The following ZEB1 variants were observed in gnomAD, a reference collection of about 807,000 sequenced individuals.
ZEB1 encodes the protein zinc finger E-box binding homeobox 1.
In ZEB1, 21 loss-of-function variants were observed where a neutral mutation model predicts 84.9. The ratio of observed to expected loss-of-function variants is 0.25; its 90% CI spans 0.18 to 0.36. ZEB1 has a LOEUF of 0.36. ZEB1 is among the 10% of genes least tolerant of loss of function. ZEB1 has a pLI of 1.00. For missense variants in ZEB1, 1,104 were observed against 1,330.2 expected (o/e 0.83, Z 2.65); for synonymous variants, 420 against 471.1 (o/e 0.89, Z 1.41).
intron 1 of ZEB1, among the ~76,000 whole-genome samples, chr10:31,370,928 A>C (rs1192675459): frequency 6.6e-6 from 1 of 152,144 alleles, no homozygotes; most frequent in African/African-American, 2.4e-5. Context: ...TTTGTTGCCA[A>C]GGCTGGTCTG....
intron 3 of ZEB1, among the ~76,000 whole-genome samples, chr10:31,498,087 A>G (rs935871080): frequency 1.4e-4 from 22 of 152,088 alleles, no homozygotes; most frequent in African/African-American, 4.8e-4. Context: ...AGAAAACCCA[A>G]TTACCTTTTA....
intron 8 of ZEB1, among the ~76,000 whole-genome samples, chr10:31,525,890 T>C (rs11008515): frequency 0.059 from 8,948 of 152,206 alleles, 736 homozygotes; most frequent in African/African-American, 0.18. Context: ...TATTAGCAAA[T>C]ATCAAAGTGA....
At chr10:31,452,245 T>A (rs2060644784) in intron 1 of ZEB1, among the ~76,000 whole-genome samples, 1 of 152,092 alleles carries the variant, frequency 6.6e-6, no homozygotes. Flanking sequence ...ATTTTTAGAT[T>A]ATTTAAATTA....
intron 1 of ZEB1, among the ~76,000 whole-genome samples, chr10:31,429,692 A>G (rs543018210): frequency 6.6e-6 from 1 of 151,822 alleles, no homozygotes; most frequent in Non-Finnish European, 1.5e-5. Flanking sequence ...TTAAAAAAAA[A>G]AAAAAGCCAG....
intron 1 of ZEB1, among the ~76,000 whole-genome samples, chr10:31,416,058 G>C (rs1042298908): frequency 6.6e-6 from 1 of 151,938 alleles, no homozygotes; most frequent in African/African-American, 2.4e-5. Context: ...TGAAACATTT[G>C]AAATTATTTT....
intron 1 of ZEB1, among the ~76,000 whole-genome samples, chr10:31,443,415 T>C (rs559429055): frequency 2.0e-5 from 3 of 152,042 alleles, no homozygotes; most frequent in South Asian, 2.1e-4. Flanking sequence ...TTTTCTTCTT[T>C]TTTTTTTTTA....
chr10:31,395,311 CT>C (rs959603736), intron 1 of ZEB1, among the ~76,000 whole-genome samples: 4 of 151,878 alleles, frequency 2.6e-5, no homozygotes, highest in South Asian at 2.1e-4. Context: ...GCATCTCATG[CT>C]TTTTTTTCTT....
chr10:31,488,095 C>G (rs1239904329), intron 2 of ZEB1, among the ~76,000 whole-genome samples: 1 of 148,002 alleles, frequency 6.8e-6, no homozygotes, highest in African/African-American at 2.5e-5. Context: ...TACTATTGTC[C>G]TATGGTTTTG....
intron 1 of ZEB1, among the ~76,000 whole-genome samples, chr10:31,439,499 A>G (rs1239233189): frequency 6.6e-6 from 1 of 152,194 alleles, no homozygotes; most frequent in East Asian, 1.9e-4. Flanking sequence ...TTATCTAGGG[A>G]TTAGTATCTA....
chr10:31,384,236 G>A (rs372518481), intron 1 of ZEB1, among the ~76,000 whole-genome samples: 4 of 151,904 alleles, frequency 2.6e-5, no homozygotes, highest in South Asian at 4.2e-4. Context: ...TTGGCCTCCC[G>A]AAGTGCTAGG....
intron 1 of ZEB1, among the ~76,000 whole-genome samples, chr10:31,422,875 T>C (rs2056396579): frequency 6.6e-6 from 1 of 152,038 alleles, no homozygotes; most frequent in African/African-American, 2.4e-5. Flanking sequence ...TTTATGTCTA[T>C]GTGTGCCCAA....
chr10:31,357,278 G>C (rs1254491391), intron 1 of ZEB1, among the ~76,000 whole-genome samples: 1 of 152,182 alleles, frequency 6.6e-6, no homozygotes, highest in East Asian at 1.9e-4. Flanking sequence ...TCAGCCATCT[G>C]CGTGTGTATA....
chr10:31,516,976 G>A (rs1389900749), intron 6 of ZEB1, among the ~76,000 whole-genome samples: 1 of 151,944 alleles, frequency 6.6e-6, no homozygotes, highest in South Asian at 2.1e-4. Context: ...TTGAGAGTAA[G>A]CATTTAGCAT....
At chr10:31,442,167 A>C (rs1175619979) in intron 1 of ZEB1, among the ~76,000 whole-genome samples, 1 of 152,260 alleles carries the variant, frequency 6.6e-6, no homozygotes. Context: ...CCAAATGTCC[A>C]TCAGTGATAG....
At chr10:31,397,138 G>C (rs1482223777) in intron 1 of ZEB1, among the ~76,000 whole-genome samples, 1 of 144,390 alleles carries the variant, frequency 6.9e-6, no homozygotes, top group South Asian at 2.2e-4. Flanking sequence ...TCAGCCTCCC[G>C]AGAAGCTTCA....
chr10:31,528,448 T>G lies in ZEB1; in HGVS notation c.*1184T>G, dbSNP rs2073826794. ...TATTGTTATTTGGCTCATAACTGTTTCCAAATGTTAGTTATTATGGACCCA... is the reference window on the plus strand; with the variant it reads ...TATTGTTATTTGGCTCATAACTGTTGCCAAATGTTAGTTATTATGGACCCA... On this transcript the variant is annotated 3_prime_UTR_variant, in exon 9 of 9. Transcript: ENST00000424869. 6.6e-6 allele frequency: 1 copy of G among 152,230 alleles called. No homozygotes were observed. Among genetic ancestry groups the G allele is most frequent in the South Asian group, 2.1e-4 (1 of 4,830 alleles). The allele number at this position is 152,230 out of a possible 1,614,324, so 9.4% of individuals were successfully genotyped here.
At position 31,521,931 on chromosome 10, in the gene ZEB1, A is replaced by T; in HGVS notation, c.2599A>T (p.Asn867Tyr). 6.2e-7 allele frequency: 1 copy of T among 1,614,036 alleles called. No homozygotes were observed. The highest frequency in any genetic ancestry group is 8.5e-7 in the Non-Finnish European group (1 of 1,179,962). Residue 867 changes from asparagine (N) to tyrosine (Y), a missense_variant, in exon 7 of 9, where the codon AAT becomes TAT. Physicochemically the swap from Asn to Tyr is moderately radical, Grantham distance 143. Transcript: ENST00000424869. The stretch of plus-strand genomic sequence containing the variant: ...CTTGAAAGTGATCCAGCCAAATGGA[A>T]ATCAGGTAAAAAATAACCTCCATCC... ...PPLKVIQPNG[N>Y]QDERQDTSSE...
intron 2 of ZEB1, among the ~76,000 whole-genome samples, chr10:31,484,390 A>G (rs530139730): frequency 6.6e-6 from 1 of 152,102 alleles, no homozygotes; most frequent in East Asian, 1.9e-4. Flanking sequence ...GTGTCAAGTA[A>G]TGTTCTAAAT....
At chr10:31,488,131 A>C (rs1315074874) in intron 2 of ZEB1, among the ~76,000 whole-genome samples, 1 of 151,236 alleles carries the variant, frequency 6.6e-6, no homozygotes, top group African/African-American at 2.4e-5. Flanking sequence ...TGGCCTTAAA[A>C]AAAATATTTA....
Sources: gnomAD v4.1 joint callset for allele counts (sites outside exome capture counted in the v4.1 genomes callset) on GRCh38, gnomAD v4.1.1 for gene constraint, MANE v1.5 for transcripts, NCBI Gene and HGNC (gene_info 2026-07-23, HGNC 2026-07-21) for gene names.